TCF20: variants seen among roughly 807,000 people sequenced by gnomAD.
TCF20 encodes the protein transcription factor 20.
TCF20 carries 3 observed loss-of-function variants against 148.6 expected under a neutral mutation model. That is an observed-to-expected ratio of 0.02 (90% CI 0.01 to 0.05). The LOEUF is 0.05. Among genes scored for constraint, TCF20 ranks in the 10% least tolerant of loss-of-function variants. The pLI is 1.00. For missense variants in TCF20, 2,350 were observed against 2,429.3 expected (o/e 0.97, Z 0.69); for synonymous variants, 1,049 against 909.5 (o/e 1.15, Z -2.76).
chr22:42,243,320 A>AAAAAAAAAC (rs1924624718), intron 1 of TCF20, among the ~76,000 whole-genome samples: 1 of 146,644 alleles, frequency 6.8e-6, no homozygotes. Context: ...AAAAAAAAAA[A>AAAAAAAAAC]AGTCAGGCAT....
rs773490391 is a variant in TCF20, at chr22:42,213,879, G to C, written c.1427C>G (p.Ser476Cys). The change falls in exon 2 of 6, where the codon TCT becomes TGT. Residue 476 changes from serine (S) to cysteine (C), a missense_variant. Ser to Cys is a moderately radical substitution (Grantham distance 112). Transcript: ENST00000677622. ...LPNTVQHMLL[S>C]DALTPQKKTS... Reference sequence around the variant, plus strand: ...CTTCTTCTGAGGAGTCAGGGCATCAGAAAGTAACATGTGCTGGACAGTGTT... The same window carrying C: ...CTTCTTCTGAGGAGTCAGGGCATCACAAAGTAACATGTGCTGGACAGTGTT... 6.2e-7 allele frequency: 1 copy of C among 1,614,196 alleles called. No individual in the cohort carries two copies. The highest frequency in any genetic ancestry group is 1.7e-5 in the Admixed American group (1 of 60,032).
chr22:42,328,351 G>A (rs987487083), intron 1 of TCF20, among the ~76,000 whole-genome samples: 15 of 152,168 alleles, frequency 9.9e-5, no homozygotes, highest in African/African-American at 3.6e-4. Context: ...CGGGATGGGC[G>A]CCCTCAGGGT....
intron 2 of TCF20, among the ~76,000 whole-genome samples, chr22:42,203,042 A>G (rs1309125438): frequency 6.6e-6 from 1 of 152,238 alleles, no homozygotes; most frequent in Non-Finnish European, 1.5e-5. Flanking sequence ...ATTAGCAATA[A>G]CTAGTTTAAC....
At chr22:42,256,705 T>C (rs186563865) in intron 1 of TCF20, among the ~76,000 whole-genome samples, 24 of 152,334 alleles carry the variant, frequency 1.6e-4, no homozygotes, top group Admixed American at 1.4e-3. Context: ...AGTGTATCTT[T>C]TCATTTACAT....
chr22:42,233,374 G>C (rs944462000), intron 1 of TCF20, among the ~76,000 whole-genome samples: 6 of 152,202 alleles, frequency 3.9e-5, no homozygotes, highest in Non-Finnish European at 7.3e-5. Flanking sequence ...GACTAACAAG[G>C]AATGTGCCCT....
chr22:42,328,098 G>C (rs1927905889), intron 1 of TCF20, among the ~76,000 whole-genome samples: 1 of 152,016 alleles, frequency 6.6e-6, no homozygotes, highest in African/African-American at 2.4e-5. Context: ...TACTATTGTT[G>C]GGTCAGGGCT....
chr22:42,342,463 G>T (rs1279457850), intron 1 of TCF20, among the ~76,000 whole-genome samples: 5 of 152,218 alleles, frequency 3.3e-5, no homozygotes, highest in African/African-American at 9.7e-5. Flanking sequence ...GAGAGGCCAG[G>T]ACCCAAATGT....
intron 2 of TCF20, among the ~76,000 whole-genome samples, chr22:42,207,927 G>A (rs1055319320): frequency 3.9e-5 from 6 of 152,346 alleles, no homozygotes; most frequent in East Asian, 1.9e-4. Context: ...AGTGGCTCAC[G>A]CCTGTAATTC....
At position 42,212,454 on chromosome 22, in the gene TCF20, C is replaced by G; in HGVS notation, c.2852G>C (p.Cys951Ser). Residue 951 changes from cysteine (C) to serine (S), a missense_variant, in exon 2 of 6, where the codon TGC (cysteine) becomes TCC (serine). By Grantham distance (112) the Cys-to-Ser change is moderately radical (BLOSUM62 -1). Coordinates refer to ENST00000677622, the MANE Select transcript of TCF20 (RefSeq NM_001378418.1). ...SFNNKKSGDH[C>S]HPPSIKHESY... is the part of the protein sequence containing the mutation. Reference sequence around the variant, plus strand: ...CTCATGCTTGATGCTAGGAGGATGGCAGTGGTCTCCAGATTTCTTGTTGTT... The same window carrying G: ...CTCATGCTTGATGCTAGGAGGATGGGAGTGGTCTCCAGATTTCTTGTTGTT... 6.2e-7 allele frequency: 1 copy of G among 1,614,216 alleles called. No individual in the cohort carries two copies. Among genetic ancestry groups the G allele is most frequent in the East Asian group, 2.2e-5 (1 of 44,874 alleles).
intron 1 of TCF20, among the ~76,000 whole-genome samples, chr22:42,329,431 C>T (rs1601708965): frequency 6.6e-6 from 1 of 152,204 alleles, no homozygotes. Flanking sequence ...GAGGAAGAGA[C>T]CATGGATATT....
chr22:42,280,764 T>C (rs1926885129), intron 1 of TCF20, among the ~76,000 whole-genome samples: 1 of 152,228 alleles, frequency 6.6e-6, no homozygotes, highest in Non-Finnish European at 1.5e-5. Flanking sequence ...TCTGGAGTTA[T>C]CTTTTTTTAA....
At chr22:42,221,541 T>C (rs1464288858) in intron 1 of TCF20, among the ~76,000 whole-genome samples, 4 of 152,196 alleles carry the variant, frequency 2.6e-5, no homozygotes, top group East Asian at 3.9e-4. Context: ...CACTATGACA[T>C]AGAACAGGGA....
At chr22:42,266,132 C>T (rs965130781) in intron 1 of TCF20, among the ~76,000 whole-genome samples, 5 of 151,274 alleles carry the variant, frequency 3.3e-5, no homozygotes, top group South Asian at 2.1e-4. Flanking sequence ...ATTCCAGGGC[C>T]GCACTTACCA....
At chr22:42,244,114 G>C (rs1430492440) in intron 1 of TCF20, among the ~76,000 whole-genome samples, 1 of 152,138 alleles carries the variant, frequency 6.6e-6, no homozygotes, top group African/African-American at 2.4e-5. Flanking sequence ...TGAAGCAAGA[G>C]AATCACTCGA....
At chr22:42,248,404 T>A (rs1400875828) in intron 1 of TCF20, among the ~76,000 whole-genome samples, 1 of 152,226 alleles carries the variant, frequency 6.6e-6, no homozygotes, top group Non-Finnish European at 1.5e-5. Flanking sequence ...TATCCCCGTT[T>A]TACAGATAAA....
chr22:42,167,471 C>T (rs1470550252), intron 5 of TCF20, among the ~76,000 whole-genome samples: 1 of 152,214 alleles, frequency 6.6e-6, no homozygotes, highest in Non-Finnish European at 1.5e-5. Flanking sequence ...ATTTCTGAGA[C>T]AACTAGTCCT....
At chr22:42,313,444 A>G (rs1214071007) in intron 1 of TCF20, among the ~76,000 whole-genome samples, 1 of 151,742 alleles carries the variant, frequency 6.6e-6, no homozygotes, top group African/African-American at 2.4e-5. Flanking sequence ...CTTCCTTCAC[A>G]TTGCTTCCTG....
intron 2 of TCF20, among the ~76,000 whole-genome samples, chr22:42,202,466 AAAC>A (rs1329600661): frequency 4.6e-5 from 7 of 152,342 alleles, no homozygotes; most frequent in African/African-American, 9.6e-5. Flanking sequence ...CCTCGCAAGG[AAAC>A]AACAAGTCCT....
chr22:42,254,851 A>G (rs1027055324), intron 1 of TCF20, among the ~76,000 whole-genome samples: 3 of 149,812 alleles, frequency 2.0e-5, no homozygotes, highest in Non-Finnish European at 4.4e-5. Flanking sequence ...TGTAGTCCCA[A>G]ATACTCTGGA....
Sources: gnomAD v4.1 joint callset for allele counts (sites outside exome capture counted in the v4.1 genomes callset) on GRCh38, gnomAD v4.1.1 for gene constraint, MANE v1.5 for transcripts, NCBI Gene and HGNC (gene_info 2026-07-23, HGNC 2026-07-21) for gene names.